Variants in MEI4 observed in about 807,000 individuals in gnomAD.
MEI4 encodes the protein meiotic double-stranded break formation protein 4, also known as meiosis-specific protein MEI4.
Under a neutral mutation model 31.4 loss-of-function variants are expected in MEI4, and 27 were observed. That is an observed-to-expected ratio of 0.86 (90% confidence interval 0.63 to 1.19). The LOEUF (loss-of-function observed/expected upper bound fraction) is 1.19, where lower values mean the gene tolerates loss of function less well. Ranked by LOEUF, MEI4 falls within the 50% of genes most tolerant of loss-of-function variation. The pLI is 0.00. For synonymous variants in MEI4, 122 were observed against 145.4 expected (o/e 0.84, Z 1.16); for missense variants, 329 against 398.9 (o/e 0.82, Z 1.49).
rs556557679 is a variant in MEI4, at chr6:77,684,648, C to T, written c.-14-6010C>T. Reference sequence around the variant, plus strand: ...CTTATTTTACTTAATATAATTATCTCCGGTTCCATCCATGTTGTTGCAAAT... The same window carrying T: ...CTTATTTTACTTAATATAATTATCTTCGGTTCCATCCATGTTGTTGCAAAT... On this transcript the variant is annotated intron_variant, in intron 1 of 4. Coordinates refer to ENST00000684080, the MANE Select transcript of MEI4 (RefSeq NM_001322247.2). Among the ~76,000 whole-genome samples, 6 of 151,568 alleles carry T rather than the reference C, an allele frequency of 4.0e-5. No homozygotes were observed. In the East Asian group the frequency reaches 1.2e-3, roughly 30 times the overall value.
chr6:77,798,697 G>A (rs1769157004), intron 3 of MEI4, among the ~76,000 whole-genome samples: 1 of 133,698 alleles, frequency 7.5e-6, no homozygotes, highest in Non-Finnish European at 1.5e-5. Flanking sequence ...CTGTGTCCAT[G>A]TGTTCTCATT....
At chr6:77,879,392 C>T (rs1468762065) in intron 4 of MEI4, among the ~76,000 whole-genome samples, 4 of 152,062 alleles carry the variant, frequency 2.6e-5, no homozygotes, top group Admixed American at 6.5e-5. Context: ...GCACATCAAC[C>T]ACACTTAAAA....
At chr6:77,659,602 C>T (rs929337534) in intron 1 of MEI4, among the ~76,000 whole-genome samples, 10 of 151,888 alleles carry the variant, frequency 6.6e-5, no homozygotes, top group African/African-American at 2.4e-4. Context: ...TATAAGTAAA[C>T]GAGAAGAGGG....
chr6:77,761,911 T>A (rs1183931051), intron 3 of MEI4, among the ~76,000 whole-genome samples: 1 of 152,210 alleles, frequency 6.6e-6, no homozygotes. Context: ...TGAATTACTT[T>A]CTCTGTTTTA....
At chr6:77,888,268 T>C (rs887353890) in intron 4 of MEI4, among the ~76,000 whole-genome samples, 9 of 152,120 alleles carry the variant, frequency 5.9e-5, no homozygotes. Context: ...AGAATATTAT[T>C]GATAGGTGAG....
chr6:77,694,086 C>T (rs78339151), intron 2 of MEI4, among the ~76,000 whole-genome samples: 5,577 of 151,816 alleles, frequency 0.037, 270 homozygotes, highest in African/African-American at 0.11. Context: ...CTTTTTCTTT[C>T]TTTCTTTTTT....
chr6:77,734,645 T>C lies in MEI4; in HGVS notation c.233-26485T>C, dbSNP rs564857668. Among the ~76,000 whole-genome samples, 90 of 152,184 alleles carry C rather than the reference T, an allele frequency of 5.9e-4. 1 individual carries two copies. The highest frequency in any genetic ancestry group is 2.1e-3 in the African/African-American group (86 of 41,446). The stretch of plus-strand genomic sequence containing the variant: ...GCATTTAGTCCATTTACATTTAAAG[T>C]TAATATTATTATGTGTGAATTTGAT... On this transcript the variant is annotated intron_variant, in intron 2 of 4. Transcript: ENST00000684080.
At chr6:77,755,591 G>C (rs1050073968) in intron 2 of MEI4, among the ~76,000 whole-genome samples, 1 of 151,960 alleles carries the variant, frequency 6.6e-6, no homozygotes, top group Non-Finnish European at 1.5e-5. Flanking sequence ...GCTAACTTTT[G>C]TATTTTTAGT....
chr6:77,715,586 C>T (rs879581001), intron 2 of MEI4, among the ~76,000 whole-genome samples: 9 of 152,070 alleles, frequency 5.9e-5, no homozygotes, highest in African/African-American at 1.2e-4. Flanking sequence ...GTTTTGTCTT[C>T]CTATGCTAGA....
intron 4 of MEI4, among the ~76,000 whole-genome samples, chr6:77,887,078 A>G (rs981219994): frequency 6.6e-6 from 1 of 151,592 alleles, no homozygotes; most frequent in Admixed American, 6.6e-5. Flanking sequence ...CTACTTTTTG[A>G]GGTAAACATT....
rs1168189710 is a variant in MEI4, at chr6:77,886,559, T to TGGG, written c.901-36530_901-36529insGGG. On this transcript the variant is annotated intron_variant, in intron 4 of 4. Coordinates refer to ENST00000684080, the MANE Select transcript of MEI4 (RefSeq NM_001322247.2). The stretch of plus-strand genomic sequence containing the variant: ...AATTCTCCTGCCTCAGCCTCCCAAG[T>TGGG]AGCTGGAATTACAGGCACCCACAAC... 1.6e-4 allele frequency among the ~76,000 whole-genome samples: 24 copies of TGGG among 152,114 alleles called. No homozygotes were observed. In the East Asian group the frequency reaches 3.3e-3, roughly 21 times the overall value.
chr6:77,841,314 C>CATATATATATATATATATATATAT (rs1315994932), intron 4 of MEI4, among the ~76,000 whole-genome samples: 4 of 51,920 alleles, frequency 7.7e-5, no homozygotes, highest in African/African-American at 4.7e-4. Flanking sequence ...CAAATGTGTG[C>CATATATATATATATATATATATAT]ATATATATAT....
chr6:77,746,799 G>GT (rs1465304803), intron 2 of MEI4, among the ~76,000 whole-genome samples: 2 of 152,012 alleles, frequency 1.3e-5, no homozygotes, highest in African/African-American at 4.8e-5. Flanking sequence ...GCCAAGGATG[G>GT]TTTTTTACTC....
At chr6:77,875,629 C>T (rs1771315280) in intron 4 of MEI4, among the ~76,000 whole-genome samples, 2 of 152,256 alleles carry the variant, frequency 1.3e-5, no homozygotes, top group Admixed American at 1.3e-4. Flanking sequence ...GGATTTTTAT[C>T]ATTAATAACA....
chr6:77,776,534 A>G (rs964029714), intron 3 of MEI4, among the ~76,000 whole-genome samples: 5 of 152,068 alleles, frequency 3.3e-5, no homozygotes, highest in Non-Finnish European at 7.4e-5. Flanking sequence ...ATGAGAGGCA[A>G]CTTTTATTTC....
At chr6:77,777,371 A>G (rs888899454) in intron 3 of MEI4, among the ~76,000 whole-genome samples, 1 of 152,204 alleles carries the variant, frequency 6.6e-6, no homozygotes, top group Non-Finnish European at 1.5e-5. Context: ...GCCAGGTGCT[A>G]GAATATAAAA....
intron 1 of MEI4, among the ~76,000 whole-genome samples, chr6:77,658,172 G>A (rs1156431580): frequency 2.0e-5 from 3 of 152,166 alleles, no homozygotes; most frequent in Non-Finnish European, 4.4e-5. Context: ...TGGGATAGGC[G>A]GTGAAGTTAA....
chr6:77,726,967 A>T (rs1167928209), intron 2 of MEI4, among the ~76,000 whole-genome samples: 1 of 152,236 alleles, frequency 6.6e-6, no homozygotes, highest in Non-Finnish European at 1.5e-5. Context: ...CTATTTAATT[A>T]CTTTGTTCTT....
intron 4 of MEI4, among the ~76,000 whole-genome samples, chr6:77,919,937 A>C (rs1216432246): frequency 1.3e-5 from 2 of 148,540 alleles, no homozygotes; most frequent in Non-Finnish European, 3.0e-5. Flanking sequence ...CACTCTCCCA[A>C]GACTGAACCA....
Sources: gnomAD v4.1 joint callset for allele counts (sites outside exome capture counted in the v4.1 genomes callset) on GRCh38, gnomAD v4.1.1 for gene constraint, MANE v1.5 for transcripts, NCBI Gene and HGNC (gene_info 2026-07-23, HGNC 2026-07-21) for gene names.